Variants in ADAMTSL1 observed in about 807,000 individuals in gnomAD.
The protein encoded by ADAMTSL1 is ADAMTS like 1.
In ADAMTSL1, 126 loss-of-function variants were observed where a neutral mutation model predicts 201.8. The observed-to-expected ratio is 0.62, with a 90% confidence interval of 0.54 to 0.72. The LOEUF (loss-of-function observed/expected upper bound fraction) is 0.72. Among genes scored for constraint, ADAMTSL1 ranks in the 30% least tolerant of loss-of-function variants. ADAMTSL1 has a pLI of 0.00. For synonymous variants in ADAMTSL1, 1,121 were observed against 903.4 expected (o/e 1.24, Z -4.32); for missense variants, 2,679 against 2,277.8 (o/e 1.18, Z -3.59).
chr9:18,097,491 A>T (rs1176642401), intron 1 of ADAMTSL1, among the ~76,000 whole-genome samples: 1 of 152,206 alleles, frequency 6.6e-6, no homozygotes, highest in Non-Finnish European at 1.5e-5. Context: ...AGAAACTTCC[A>T]GTGTATTCTT....
chr9:18,011,977 C>T (rs973913516), intron 1 of ADAMTSL1, among the ~76,000 whole-genome samples: 6 of 152,010 alleles, frequency 3.9e-5, no homozygotes, highest in African/African-American at 1.2e-4. Context: ...GGAAATGTTT[C>T]CCCAGTGTTA....
chr9:18,061,515 A>C (rs1250168625), intron 1 of ADAMTSL1, among the ~76,000 whole-genome samples: 1 of 152,030 alleles, frequency 6.6e-6, no homozygotes, highest in Non-Finnish European at 1.5e-5. Flanking sequence ...ACCACAAAGA[A>C]CTCTGCAGCT....
At chr9:18,839,891 T>A (rs1825600646) in intron 23 of ADAMTSL1, among the ~76,000 whole-genome samples, 1 of 148,452 alleles carries the variant, frequency 6.7e-6, no homozygotes, top group South Asian at 2.2e-4. Context: ...TCTTTGTTTT[T>A]TTCTTGTAAA....
chr9:18,206,870 G>C (rs1829669178), intron 2 of ADAMTSL1, among the ~76,000 whole-genome samples: 1 of 152,064 alleles, frequency 6.6e-6, no homozygotes, highest in Non-Finnish European at 1.5e-5. Context: ...AGCAAGGAAA[G>C]AAAGTGGAGT....
rs571746398 is a variant in ADAMTSL1 at position 18,171,363 on chromosome 9, A to T, written c.207+7382A>T. 2.0e-4 allele frequency among the ~76,000 whole-genome samples: 30 copies of T among 152,224 alleles called. No homozygotes were observed. The South Asian group carries it at 2.9e-3, about 15-fold the overall frequency. ...AAACTTAAAAATGAACTTGTATAAGAATTTACTTAACTAGGACATAAAAAG... is the reference window on the plus strand; with the variant it reads ...AAACTTAAAAATGAACTTGTATAAGTATTTACTTAACTAGGACATAAAAAG... On this transcript the variant is annotated intron_variant, in intron 2 of 29. Coordinates refer to the ADAMTSL1 transcript ENST00000680146.
chr9:18,604,025 T>A (rs1824845382), intron 4 of ADAMTSL1, among the ~76,000 whole-genome samples: 1 of 152,190 alleles, frequency 6.6e-6, no homozygotes, highest in African/African-American at 2.4e-5. Context: ...GGCATATTTA[T>A]CCCTATGCAT....
chr9:18,569,823 A>C (rs1358296316), intron 3 of ADAMTSL1, among the ~76,000 whole-genome samples: 1 of 152,222 alleles, frequency 6.6e-6, no homozygotes, highest in East Asian at 1.9e-4. Flanking sequence ...TTTATTTTAA[A>C]TATGCCAATT....
At chr9:17,925,626 A>G (rs1588425722) in intron 1 of ADAMTSL1, among the ~76,000 whole-genome samples, 1 of 129,792 alleles carries the variant, frequency 7.7e-6, no homozygotes, top group Non-Finnish European at 1.6e-5. Flanking sequence ...AACACCGCAT[A>G]TTCTCACTCA....
chr9:18,791,292 C>T (rs1822029870), intron 19 of ADAMTSL1, among the ~76,000 whole-genome samples: 1 of 152,136 alleles, frequency 6.6e-6, no homozygotes, highest in Admixed American at 6.5e-5. Context: ...TGGCAGCCTT[C>T]AAGCCTTCAT....
chr9:18,492,323 A>G (rs1023925902), intron 1 of ADAMTSL1, among the ~76,000 whole-genome samples: 39 of 152,324 alleles, frequency 2.6e-4, no homozygotes, highest in African/African-American at 9.1e-4. Flanking sequence ...AGCATTTGGG[A>G]GACTTTTGCT....
chr9:18,203,406 A>G lies in ADAMTSL1; in HGVS notation c.207+39425A>G, dbSNP rs575622081. On this transcript the variant is annotated intron_variant, in intron 2 of 29. Transcript: ENST00000680146. ...GTCATATTAAGTCCATATTAAATCT[A>G]TTAAGTGATAATTAAAGAATACAGG... is the stretch of plus-strand genomic sequence containing the variant. Among the ~76,000 whole-genome samples the G allele has an allele frequency of 5.9e-5, 9 of 152,028 alleles. No homozygotes were observed. The South Asian group carries it at 1.2e-3, about 21-fold the overall frequency.
chr9:18,220,435 A>G (rs966600659), intron 2 of ADAMTSL1, among the ~76,000 whole-genome samples: 24 of 152,106 alleles, frequency 1.6e-4, no homozygotes, highest in African/African-American at 5.8e-4. Flanking sequence ...TAATATAGCT[A>G]TACAAACTTT....
chr9:18,401,245 A>G (rs1817972699), intron 2 of ADAMTSL1, among the ~76,000 whole-genome samples: 1 of 152,114 alleles, frequency 6.6e-6, no homozygotes, highest in Non-Finnish European at 1.5e-5. Flanking sequence ...TTAGCTTTCC[A>G]CCTCTGAGTT....
At chr9:18,753,803 A>T (rs1410439463) in intron 16 of ADAMTSL1, among the ~76,000 whole-genome samples, 4 of 152,246 alleles carry the variant, frequency 2.6e-5, no homozygotes, top group African/African-American at 4.8e-5. Flanking sequence ...AAAATTTTTT[A>T]AAATCAAGAC....
At chr9:18,638,784 T>A (rs1458090128) in intron 6 of ADAMTSL1, among the ~76,000 whole-genome samples, 1 of 152,100 alleles carries the variant, frequency 6.6e-6, no homozygotes, top group African/African-American at 2.4e-5. Flanking sequence ...CCAGAAAGTA[T>A]AAATAAACAC....
At chr9:18,733,356 G>C (rs1818321594) in intron 15 of ADAMTSL1, among the ~76,000 whole-genome samples, 1 of 152,144 alleles carries the variant, frequency 6.6e-6, no homozygotes. Context: ...AAATTCATTA[G>C]AGTACAGATT....
chr9:18,376,296 T>C (rs1237607573), intron 2 of ADAMTSL1, among the ~76,000 whole-genome samples: 1 of 152,094 alleles, frequency 6.6e-6, no homozygotes, highest in African/African-American at 2.4e-5. Flanking sequence ...ATAAGATATG[T>C]ACACAGATAT....
At chr9:18,403,370 GA>G (rs1373032911) in intron 2 of ADAMTSL1, among the ~76,000 whole-genome samples, 1 of 152,004 alleles carries the variant, frequency 6.6e-6, no homozygotes, top group Non-Finnish European at 1.5e-5. Flanking sequence ...TTTTAGTAGA[GA>G]GGGGGCTTCA....
At chr9:18,826,497 C>T (rs1480765804) in intron 22 of ADAMTSL1, 34 bp downstream of exon 22, 1 of 1,592,824 alleles carries the variant, frequency 6.3e-7, no homozygotes, top group Non-Finnish European at 8.6e-7. Flanking sequence ...CTCTGCTGCA[C>T]CCTGTTGGGA....
Sources: allele counts gnomAD v4.1 joint callset (sites outside exome capture counted in the v4.1 genomes callset), GRCh38; gene constraint gnomAD v4.1.1; transcripts MANE v1.5; gene names NCBI Gene and HGNC (gene_info 2026-07-23, HGNC 2026-07-21).